Variants in ASXL3 observed in about 807,000 individuals in gnomAD.
The protein encoded by ASXL3 is ASXL transcriptional regulator 3.
ASXL3 carries 34 observed loss-of-function variants against 170.6 expected under a neutral mutation model. That is an observed-to-expected ratio of 0.20 (90% CI 0.15 to 0.27). ASXL3 has a LOEUF of 0.27. Among genes scored for constraint, ASXL3 ranks in the 10% least tolerant of loss-of-function variants. The pLI is 1.00. For missense variants in ASXL3, 2,592 were observed against 2,695.3 expected, an observed-to-expected ratio of 0.96 and a Z score of 0.85; for synonymous variants, 1,002 against 989.1, an observed-to-expected ratio of 1.01 and a Z score of -0.24.
intron 4 of ASXL3, among the ~76,000 whole-genome samples, chr18:33,653,444 C>CA (rs2066033062): frequency 6.6e-6 from 1 of 152,116 alleles, no homozygotes. Context: ...ACCTGCTCTA[C>CA]ATTGGTGGCC....
At chr18:33,637,613 A>C (rs2065787772) in intron 2 of ASXL3, among the ~76,000 whole-genome samples, 1 of 152,118 alleles carries the variant, frequency 6.6e-6, no homozygotes, top group Admixed American at 6.6e-5. Context: ...TGTTCTTTTA[A>C]TATATAAAAT....
chr18:33,649,235 G>T (rs2065960596), intron 4 of ASXL3, among the ~76,000 whole-genome samples: 1 of 151,844 alleles, frequency 6.6e-6, no homozygotes, highest in African/African-American at 2.4e-5. Flanking sequence ...GGGAGAATGG[G>T]ACTATTCAGC....
chr18:33,595,698 C>T (rs558892788), intron 1 of ASXL3, among the ~76,000 whole-genome samples: 3 of 152,292 alleles, frequency 2.0e-5, no homozygotes, highest in African/African-American at 4.8e-5. Flanking sequence ...ACGAACATAG[C>T]TTCCAGCAAA....
intron 10 of ASXL3, among the ~76,000 whole-genome samples, chr18:33,735,382 A>G (rs1008532243): frequency 6.6e-5 from 10 of 152,214 alleles, no homozygotes; most frequent in African/African-American, 2.2e-4. Context: ...CCTAAATGGC[A>G]GTCCTTTTGA....
At chr18:33,613,642 G>A (rs1269472539) in intron 2 of ASXL3, among the ~76,000 whole-genome samples, 1 of 152,074 alleles carries the variant, frequency 6.6e-6, no homozygotes, top group Non-Finnish European at 1.5e-5. Flanking sequence ...CTTTATGCTG[G>A]ACATGGTGAC....
chr18:33,659,584 AG>A (rs1306611920), intron 4 of ASXL3, among the ~76,000 whole-genome samples: 1 of 152,134 alleles, frequency 6.6e-6, no homozygotes, highest in African/African-American at 2.4e-5. Context: ...AACATTGAAA[AG>A]GCTATCTGTA....
chr18:33,647,677 A>G (rs888882740), intron 4 of ASXL3, among the ~76,000 whole-genome samples: 3 of 152,064 alleles, frequency 2.0e-5, no homozygotes, highest in African/African-American at 7.2e-5. Flanking sequence ...CTCTCAACAT[A>G]TATACTGAGC....
intron 8 of ASXL3, among the ~76,000 whole-genome samples, chr18:33,702,127 A>G (rs148896082): frequency 1.8e-4 from 27 of 152,262 alleles, no homozygotes; most frequent in African/African-American, 6.5e-4. Context: ...TAATTTATGT[A>G]AACATGGTTT....
chr18:33,621,381 C>T (rs561073219), intron 2 of ASXL3, among the ~76,000 whole-genome samples: 109 of 152,232 alleles, frequency 7.2e-4, no homozygotes, highest in Admixed American at 2.4e-3. Context: ...TGAAATGGAA[C>T]TATTGAAATA....
rs753017563 is a variant in ASXL3, at chr18:33,739,445, T to C, written c.2041T>C (p.Ser681Pro). The stretch of plus-strand genomic sequence containing the variant: ...TCATGCATCTTTGATGTCAGAAATA[T>C]CTCCAATATCCACTTCACCTGAAAT... The part of the protein sequence containing the change: ...NFHASLMSEI[S>P]PISTSPEISE... Residue 681 changes from serine to proline, a missense_variant, in exon 11 of 12, where the codon TCT (serine) becomes CCT (proline). By Grantham distance (74) the Ser-to-Pro change is moderately conservative. Around this residue, in one of 4 missense-constraint regions of ASXL3, gnomAD observed 2,246 missense variants for 2,219.6 expected, o/e 1.01. Transcript: ENST00000269197. 6.2e-7 allele frequency: 1 copy of C among 1,613,972 alleles called. No homozygotes were observed. Among genetic ancestry groups the C allele is most frequent in the African/African-American group, 1.3e-5 (1 of 75,050 alleles).
chr18:33,645,877 A>G (rs189603535), intron 3 of ASXL3, among the ~76,000 whole-genome samples: 1 of 152,052 alleles, frequency 6.6e-6, no homozygotes, highest in East Asian at 1.9e-4. Flanking sequence ...AAGACTTGCA[A>G]TTTTTCCATT....
chr18:33,601,506 C>T (rs1568271100), intron 1 of ASXL3, among the ~76,000 whole-genome samples: 1 of 151,790 alleles, frequency 6.6e-6, no homozygotes, highest in South Asian at 2.1e-4. Flanking sequence ...AGCTCACAAC[C>T]TTCATTATTA....
At chr18:33,734,825 C>T (rs2067517243) in intron 10 of ASXL3, among the ~76,000 whole-genome samples, 1 of 152,092 alleles carries the variant, frequency 6.6e-6, no homozygotes, top group Non-Finnish European at 1.5e-5. Context: ...GCATTTTAAT[C>T]TTTGTTTAGT....
At chr18:33,597,848 A>G (rs1264228238) in intron 1 of ASXL3, among the ~76,000 whole-genome samples, 1 of 152,102 alleles carries the variant, frequency 6.6e-6, no homozygotes, top group African/African-American at 2.4e-5. Context: ...TACCTGAGTG[A>G]TTGTGAAATT....
At chr18:33,599,565 G>A (rs2065163084) in intron 1 of ASXL3, among the ~76,000 whole-genome samples, 1 of 152,116 alleles carries the variant, frequency 6.6e-6, no homozygotes, top group African/African-American at 2.4e-5. Context: ...CGAGCAATTG[G>A]AAAACAATGG....
At chr18:33,681,422 T>C (rs1433244601) in intron 7 of ASXL3, among the ~76,000 whole-genome samples, 3 of 152,178 alleles carry the variant, frequency 2.0e-5, no homozygotes, top group Admixed American at 2.0e-4. Flanking sequence ...AACATTCTTA[T>C]AATTGCTATA....
Position 33,580,747 on chromosome 18 carries a change from A to G in ASXL3, c.54+2062A>G, listed in dbSNP as rs1398218308. ...AAAGTTCGTTGATGGGAAAAGACAC[A>G]CTAGGAGTCATCAACACAAAAGAAC... is the stretch of plus-strand genomic sequence containing the variant. On this transcript the variant is annotated intron_variant, in intron 1 of 11. Transcript: ENST00000269197. Among the ~76,000 whole-genome samples, 5 of 152,356 alleles carry G rather than the reference A, an allele frequency of 3.3e-5. No individual in the cohort carries two copies. The East Asian group carries it at 9.6e-4, about 29-fold the overall frequency.
intron 1 of ASXL3, among the ~76,000 whole-genome samples, chr18:33,591,043 T>C (rs574575388): frequency 6.6e-6 from 1 of 152,316 alleles, no homozygotes; most frequent in Non-Finnish European, 1.5e-5. Context: ...ATGTTTCTTC[T>C]CCATGGAATG....
At chr18:33,721,155 A>T (rs1407290293) in intron 8 of ASXL3, among the ~76,000 whole-genome samples, 1 of 152,056 alleles carries the variant, frequency 6.6e-6, no homozygotes, top group Non-Finnish European at 1.5e-5. Flanking sequence ...GAGCCTAAGA[A>T]ATTGCTTTCC....
Sources: gnomAD v4.1 joint callset for allele counts (sites outside exome capture counted in the v4.1 genomes callset) on GRCh38, gnomAD v4.1.1 for gene constraint, gnomAD v4.1.1 regional missense constraint, MANE v1.5 for transcripts, NCBI Gene and HGNC (gene_info 2026-07-23, HGNC 2026-07-21) for gene names.